Variants in KANK1 observed in about 807,000 individuals in gnomAD.
KANK1 encodes the protein KN motif and ankyrin repeat domains 1.
In KANK1, 109 loss-of-function variants were observed where a neutral mutation model predicts 106.2. That is an observed-to-expected ratio of 1.03 (90% CI 0.88 to 1.20). The LOEUF (loss-of-function observed/expected upper bound fraction) is 1.20, where lower values mean the gene tolerates loss of function less well. Among genes scored for constraint, KANK1 ranks in the 50% most tolerant of loss-of-function variants. The probability of loss-of-function intolerance (pLI) is 0.00; values close to 1 mark genes in which losing one functional copy is unlikely to be tolerated. For missense variants in KANK1, 2,399 were observed against 1,710.7 expected, an observed-to-expected ratio of 1.40 and a Z score of -7.10; for synonymous variants, 873 against 652.2, an observed-to-expected ratio of 1.34 and a Z score of -5.16.
At chr9:540,146 CTGAG>C (rs1399034588) in intron 1 of KANK1, among the ~76,000 whole-genome samples, 1 of 152,208 alleles carries the variant, frequency 6.6e-6, no homozygotes, top group Admixed American at 6.5e-5. Flanking sequence ...CTTTTTACCA[CTGAG>C]TATGATATTA....
chr9:510,049 C>T (rs2058962727), intron 1 of KANK1, among the ~76,000 whole-genome samples: 1 of 151,424 alleles, frequency 6.6e-6, no homozygotes, highest in Non-Finnish European at 1.5e-5. Context: ...TGGCCTCAAA[C>T]AATCCTCCCT....
At chr9:630,602 A>G (rs780925378) in intron 1 of KANK1, among the ~76,000 whole-genome samples, 2 of 151,122 alleles carry the variant, frequency 1.3e-5, no homozygotes, top group Non-Finnish European at 2.9e-5. Context: ...AAGGTGAGAG[A>G]GGCTGCAGAA....
At chr9:656,400 G>T (rs1188528124) in intron 1 of KANK1, among the ~76,000 whole-genome samples, 1 of 152,146 alleles carries the variant, frequency 6.6e-6, no homozygotes, top group Non-Finnish European at 1.5e-5. Context: ...TAGAGGCTAT[G>T]AAAGTGTCCT....
upstream of KANK1, among the ~76,000 whole-genome samples, chr9:503,303 G>C (rs2058601611): frequency 6.6e-6 from 1 of 152,108 alleles, no homozygotes; most frequent in African/African-American, 2.4e-5. Context: ...CTACTCTACA[G>C]ACGAAAAAGC....
intron 1 of KANK1, among the ~76,000 whole-genome samples, chr9:578,201 T>A (rs1373811634): frequency 1.3e-5 from 2 of 152,190 alleles, no homozygotes; most frequent in Non-Finnish European, 2.9e-5. Flanking sequence ...AATAAATCAG[T>A]AAAAGCATTC....
At chr9:686,218 C>T (rs1183521278) in intron 2 of KANK1, among the ~76,000 whole-genome samples, 3 of 152,166 alleles carry the variant, frequency 2.0e-5, no homozygotes, top group Admixed American at 6.6e-5. Context: ...CTACCCAACA[C>T]GGTGCAGCCG....
intron 1 of KANK1, among the ~76,000 whole-genome samples, chr9:518,816 C>G (rs1405683215): frequency 1.3e-5 from 2 of 151,572 alleles, no homozygotes; most frequent in Admixed American, 1.3e-4. Context: ...TAGAGGCAGG[C>G]TCAGGGACCC....
chr9:720,032 A>T (rs934279054), intron 3 of KANK1, among the ~76,000 whole-genome samples: 2 of 152,198 alleles, frequency 1.3e-5, no homozygotes, highest in African/African-American at 4.8e-5. Flanking sequence ...TATAAAAGCT[A>T]AGTGCACTTC....
At chr9:557,200 A>C (rs562686257) in intron 1 of KANK1, among the ~76,000 whole-genome samples, 2 of 152,120 alleles carry the variant, frequency 1.3e-5, no homozygotes, top group East Asian at 3.9e-4. Context: ...AAAAAAAAAA[A>C]AAAAAAAATT....
intron 3 of KANK1, among the ~76,000 whole-genome samples, chr9:489,393 C>T (rs1341978626): frequency 6.6e-6 from 1 of 152,190 alleles, no homozygotes; most frequent in East Asian, 1.9e-4. Flanking sequence ...AAATGCAGAG[C>T]ATCCAGCCAA....
At chr9:586,791 C>G (rs1364820953) in intron 1 of KANK1, among the ~76,000 whole-genome samples, 1 of 152,114 alleles carries the variant, frequency 6.6e-6, no homozygotes, top group African/African-American at 2.4e-5. Context: ...GAGCAAATAG[C>G]TAGCCTTTAC....
In KANK1 at chr9:744,196, A is replaced by ATT. The variant is rs1396457749; in HGVS notation, c.3898-295_3898-294insTT. On this transcript the variant is annotated intron_variant, in intron 10 of 11. Transcript: ENST00000382297. ...TGCCTGGTCATTCATAATTAATTAG[A>ATT]AGAAAAAAAAACTTTCTATCCCCAT... 3.0e-5 allele frequency among the ~76,000 whole-genome samples: 4 copies of ATT among 135,282 alleles called. No homozygotes were observed. The East Asian group carries it at 9.0e-4, about 31-fold the overall frequency. The allele number at this position is 135,282 out of a possible 152,430, so 88.8% of individuals were successfully genotyped here. A position where few individuals can be genotyped will look rare whatever the true frequency, so the allele number is the denominator to read the frequency against.
chr9:698,356 C>A (rs1172928539), intron 2 of KANK1, among the ~76,000 whole-genome samples: 1 of 152,200 alleles, frequency 6.6e-6, no homozygotes, highest in Non-Finnish European at 1.5e-5. Context: ...TCTCCTGTTT[C>A]TTCCTGCCCT....
intron 1 of KANK1, among the ~76,000 whole-genome samples, chr9:670,524 G>A (rs1159253973): frequency 2.0e-5 from 3 of 152,158 alleles, no homozygotes; most frequent in Non-Finnish European, 2.9e-5. Flanking sequence ...GGGGGAGGTT[G>A]CAAAGGAGCT....
At chr9:738,575 G>C in intron 8 of KANK1, 71 bp downstream of exon 8, 1 of 1,193,226 alleles carries the variant, frequency 8.4e-7, no homozygotes, top group Non-Finnish European at 1.2e-6. Context: ...AGAGAACCTG[G>C]TTGAGCCACT....
intron 1 of KANK1, among the ~76,000 whole-genome samples, chr9:670,582 C>A (rs1452701951): frequency 2.0e-5 from 3 of 152,148 alleles, no homozygotes; most frequent in African/African-American, 7.2e-5. Flanking sequence ...CCCAAGAGAC[C>A]TGTGGAATCT....
chr9:648,147 G>A (rs990902688), intron 1 of KANK1, among the ~76,000 whole-genome samples: 1 of 149,890 alleles, frequency 6.7e-6, no homozygotes, highest in South Asian at 2.1e-4. Context: ...GGGACCACAG[G>A]CACACACCAC....
chr9:643,317 A>G (rs1421957344), intron 1 of KANK1, among the ~76,000 whole-genome samples: 1 of 150,842 alleles, frequency 6.6e-6, no homozygotes, highest in African/African-American at 2.5e-5. Flanking sequence ...TACTGTAGTT[A>G]TTGTTTTAAG....
chr9:536,199 G>C (rs1381541689), intron 1 of KANK1, among the ~76,000 whole-genome samples: 1 of 152,100 alleles, frequency 6.6e-6, no homozygotes, highest in Non-Finnish European at 1.5e-5. Context: ...AAAATAGCCA[G>C]ACATGGTGGC....
Sources: gnomAD v4.1 joint callset for allele counts (sites outside exome capture counted in the v4.1 genomes callset) on GRCh38, gnomAD v4.1.1 for gene constraint, MANE v1.5 for transcripts, NCBI Gene and HGNC (gene_info 2026-07-23, HGNC 2026-07-21) for gene names.